Variants in PNO1 observed in about 807,000 individuals in gnomAD.
PNO1 encodes the protein RNA-binding protein PNO1.
In PNO1, 16 loss-of-function variants were observed where a neutral mutation model predicts 28.4. That is an observed-to-expected ratio of 0.56 (90% CI 0.38 to 0.85). The LOEUF (loss-of-function observed/expected upper bound fraction) is 0.85, where lower values mean the gene tolerates loss of function less well. PNO1 is among the 40% of genes least tolerant of loss of function. The pLI is 0.00. For missense variants in PNO1, 304 were observed against 312.2 expected, an observed-to-expected ratio of 0.97 and a Z score of 0.20; for synonymous variants, 115 against 110.8, an observed-to-expected ratio of 1.04 and a Z score of -0.24.
chr2:68,162,595 T>A lies in PNO1; in HGVS notation c.552T>A (p.Ala184=), dbSNP rs755790853. The A allele has an allele frequency of 1.9e-6, 3 of 1,614,032 alleles. No homozygotes were observed. In the East Asian group the frequency reaches 6.7e-5, roughly 36 times the overall value. ...TATCCAGGGCAATAGGAAGAATCGC[T>A]GGCAAAGGAGGAAAAACCAAATTCA... is the stretch of plus-strand genomic sequence containing the variant. The part of the protein sequence containing the change: ...DHLSRAIGRI[A]GKGGKTKFTI... The change falls in exon 5 of 7, where the codon GCT becomes GCA. Residue 184 remains alanine (A), a synonymous_variant. Transcript: ENST00000263657.
intron 3 of PNO1, among the ~76,000 whole-genome samples, 159 bp downstream of exon 3, chr2:68,161,925 A>G (rs761923615): frequency 1.1e-4 from 17 of 151,916 alleles, no homozygotes; most frequent in South Asian, 4.2e-4. Context: ...ACTTGAGGCC[A>G]GGAGTTCAAA....
At chr2:68,158,175 C>G (rs1206518117) in intron 1 of PNO1, 34 bp downstream of exon 1, 3 of 1,543,984 alleles carry the variant, frequency 1.9e-6, no homozygotes, top group Non-Finnish European at 2.6e-6. Flanking sequence ...AGCAACGAGG[C>G]AAGGGCCAGA....
At chr2:68,163,164 AG>A (rs1414444828) in intron 5 of PNO1, among the ~76,000 whole-genome samples, 1 of 152,222 alleles carries the variant, frequency 6.6e-6, no homozygotes, top group Non-Finnish European at 1.5e-5. Flanking sequence ...AGAAAATTTA[AG>A]AAATTATATA....
At chr2:68,161,847 A>C in intron 3 of PNO1, 81 bp downstream of exon 3, 1 of 968,922 alleles carries the variant, frequency 1.0e-6, no homozygotes, top group South Asian at 1.4e-5. Flanking sequence ...CATTAAAAAA[A>C]AAAAAGGCCA....
At chr2:68,162,696 T>A in intron 5 of PNO1, 33 bp downstream of exon 5, 1 of 1,234,422 alleles carries the variant, frequency 8.1e-7, no homozygotes, top group Non-Finnish European at 1.2e-6. Flanking sequence ...ATTATTGTCA[T>A]AATTTATATT....
intron 5 of PNO1, among the ~76,000 whole-genome samples, chr2:68,165,680 CAAAA>C (rs200089067): frequency 7.3e-6 from 1 of 137,234 alleles, no homozygotes; most frequent in Non-Finnish European, 1.6e-5. Context: ...GACTCTGTCT[CAAAA>C]AAAAAAAGAA....
rs1674255025 is a variant in PNO1, at chr2:68,175,533, T to G, written c.*731T>G. 1 of 152,522 alleles carries G rather than the reference T, an allele frequency of 6.6e-6. No homozygotes were observed. The highest frequency in any genetic ancestry group is 1.5e-5 in the Non-Finnish European group (1 of 68,308). The allele number at this position is 152,522 out of a possible 1,614,324, so 9.4% of individuals were successfully genotyped here. ...GCCTCAGCCTCCCAAAGTGCTGGGA[T>G]TACAGGCATAAGCCACTGCGCCTGG... On this transcript the variant is annotated 3_prime_UTR_variant, in exon 7 of 7. Transcript: ENST00000263657.
intron 5 of PNO1, among the ~76,000 whole-genome samples, chr2:68,171,087 C>G (rs1236372655): frequency 6.6e-6 from 1 of 152,186 alleles, no homozygotes; most frequent in East Asian, 1.9e-4. Context: ...AATCAGTGCT[C>G]AGTGTACTTA....
chr2:68,160,037 C>G (rs144675826), intron 2 of PNO1, among the ~76,000 whole-genome samples: 2 of 145,668 alleles, frequency 1.4e-5, no homozygotes, highest in Non-Finnish European at 3.0e-5. Flanking sequence ...GTCGCAATCT[C>G]GGCTCACTGC....
At chr2:68,168,829 G>C (rs982110585) in intron 5 of PNO1, among the ~76,000 whole-genome samples, 1 of 151,510 alleles carries the variant, frequency 6.6e-6, no homozygotes, top group Non-Finnish European at 1.5e-5. Context: ...TTTTTACAAT[G>C]GTCCTATGGT....
At chr2:68,158,823 C>T (rs6742014) in intron 2 of PNO1, among the ~76,000 whole-genome samples, 106,283 of 152,072 alleles carry the variant, frequency 0.7, 37,484 homozygotes, top group African/African-American at 0.8. Flanking sequence ...AAAGAGATTG[C>T]CATAAACAGA....
At chr2:68,162,144 G>GA (rs11402583) in intron 3 of PNO1, 121 bp from the exon 4 acceptor site, 323,077 of 593,170 alleles carry the variant, frequency 0.54, 63,474 homozygotes, top group African/African-American at 0.87. Context: ...GTCTCCAAGG[G>GA]AAAAAAAAAA....
intron 6 of PNO1, among the ~76,000 whole-genome samples, chr2:68,174,263 A>C (rs1674210493): frequency 6.8e-6 from 1 of 146,292 alleles, no homozygotes. Context: ...TTTTTGGAGA[A>C]TATTTGGGTA....
chr2:68,162,164 C>T, intron 3 of PNO1, 101 bp from the exon 4 acceptor site: 5 of 873,566 alleles, frequency 5.7e-6, no homozygotes, highest in African/African-American at 1.7e-5. Context: ...AGCTTTCTAG[C>T]TCTAGAGTTT....
intron 5 of PNO1, among the ~76,000 whole-genome samples, chr2:68,172,054 A>T (rs890279713): frequency 4.6e-5 from 7 of 152,166 alleles, no homozygotes; most frequent in African/African-American, 1.7e-4. Context: ...AGTAGGGTGG[A>T]AAACAAGACC....
intron 5 of PNO1, among the ~76,000 whole-genome samples, chr2:68,169,064 A>G (rs12713633): frequency 0.75 from 113,162 of 151,478 alleles, 43,286 homozygotes; most frequent in African/African-American, 0.93. Flanking sequence ...GAGTAGCTGC[A>G]ACTATAGGCA....
chr2:68,173,172 C>A, intron 5 of PNO1, 175 bp from the exon 6 acceptor site: 3 of 427,092 alleles, frequency 7.0e-6, no homozygotes, highest in South Asian at 5.2e-5. Context: ...CGTGCTACTA[C>A]ACCCAGCTAA....
chr2:68,173,442 G>GTT (rs1307754190), intron 6 of PNO1, 25 bp downstream of exon 6: 1 of 1,408,284 alleles, frequency 7.1e-7, no homozygotes, highest in Non-Finnish European at 1.0e-6. Context: ...TTTCTTTGGT[G>GTT]TTTTCTCTGG....
intron 6 of PNO1, among the ~76,000 whole-genome samples, chr2:68,174,179 A>G (rs1037069157): frequency 6.6e-6 from 1 of 152,086 alleles, no homozygotes; most frequent in African/African-American, 2.4e-5. Context: ...TCTGGTTCTC[A>G]GGCCTCAGTG....
Sources: allele counts gnomAD v4.1 joint callset (sites outside exome capture counted in the v4.1 genomes callset), GRCh38; gene constraint gnomAD v4.1.1; transcripts MANE v1.5; gene names NCBI Gene and HGNC (gene_info 2026-07-23, HGNC 2026-07-21).